Variants in MBNL2 observed in about 807,000 individuals in gnomAD.
MBNL2 encodes muscleblind-like protein 2.
MBNL2 carries 17 observed loss-of-function variants against 41.9 expected under a neutral mutation model. The ratio of observed to expected loss-of-function variants is 0.41; its 90% CI spans 0.28 to 0.61. The LOEUF is 0.61. Ranked by LOEUF, MBNL2 falls within the 20% of genes least tolerant of loss-of-function variation. MBNL2 has a pLI of 0.35. For synonymous variants in MBNL2, 195 were observed against 182.9 expected (o/e 1.07, Z -0.53); for missense variants, 336 against 505.6 (o/e 0.66, Z 3.22).
intron 1 of MBNL2, among the ~76,000 whole-genome samples, chr13:97,246,560 G>C (rs1052436834): frequency 2.6e-5 from 4 of 152,186 alleles, no homozygotes; most frequent in African/African-American, 9.7e-5. Context: ...AATCCAGAGA[G>C]AAGTCTGCTT....
chr13:97,309,961 A>G (rs1479872783), intron 2 of MBNL2, among the ~76,000 whole-genome samples: 1 of 152,214 alleles, frequency 6.6e-6, no homozygotes, highest in Non-Finnish European at 1.5e-5. Context: ...GTAATGGAGT[A>G]TGGGGCAGGC....
At chr13:97,387,860 CA>C (rs1298548556) in intron 8 of MBNL2, among the ~76,000 whole-genome samples, 1 of 152,122 alleles carries the variant, frequency 6.6e-6, no homozygotes, top group Non-Finnish European at 1.5e-5. Flanking sequence ...AAAATTCAAA[CA>C]AAAACAAGGG....
At chr13:97,264,709 T>C (rs1378991882) in intron 1 of MBNL2, among the ~76,000 whole-genome samples, 1 of 152,220 alleles carries the variant, frequency 6.6e-6, no homozygotes, top group Admixed American at 6.5e-5. Flanking sequence ...TTAGTATTTA[T>C]AGGTAGGTGT....
chr13:97,260,586 C>T (rs770263774), intron 1 of MBNL2, among the ~76,000 whole-genome samples: 7 of 152,072 alleles, frequency 4.6e-5, no homozygotes, highest in East Asian at 1.9e-4. Flanking sequence ...ACTCTGGCGC[C>T]GTTAGGAATG....
intron 1 of MBNL2, among the ~76,000 whole-genome samples, chr13:97,262,806 C>G (rs1191144693): frequency 6.6e-6 from 1 of 152,064 alleles, no homozygotes; most frequent in African/African-American, 2.4e-5. Context: ...GCTCTGTCCC[C>G]AGACTGGAGT....
chr13:97,284,060 TAG>T (rs2053950616), intron 2 of MBNL2, among the ~76,000 whole-genome samples: 1 of 152,178 alleles, frequency 6.6e-6, no homozygotes, highest in African/African-American at 2.4e-5. Flanking sequence ...GTTTACAATT[TAG>T]AGTTAGACAG....
At chr13:97,178,208 G>A in the MBNL2 span, among the ~76,000 whole-genome samples, 1 of 152,202 alleles carries the variant, frequency 6.6e-6, no homozygotes, top group Non-Finnish European at 1.5e-5. Context: ...TTGAACAAGA[G>A]GCTAGATGGA....
chr13:97,256,228 A>G (rs963845290), intron 1 of MBNL2, among the ~76,000 whole-genome samples: 2 of 152,198 alleles, frequency 1.3e-5, no homozygotes, highest in Non-Finnish European at 2.9e-5. Flanking sequence ...TTCTTTAGAG[A>G]AACTAAGGTG....
At chr13:97,183,797 T>C in the MBNL2 span, among the ~76,000 whole-genome samples, 1 of 152,242 alleles carries the variant, frequency 6.6e-6, no homozygotes, top group African/African-American at 2.4e-5. Context: ...GGAGGAATTA[T>C]TGTTCCACTT....
the MBNL2 span, among the ~76,000 whole-genome samples, chr13:97,186,164 T>C: frequency 6.6e-6 from 1 of 152,180 alleles, no homozygotes; most frequent in Non-Finnish European, 1.5e-5. Flanking sequence ...GAGACGACGG[T>C]TTCCAGATGG....
chr13:97,256,307 T>TAA (rs568005287), intron 1 of MBNL2, among the ~76,000 whole-genome samples: 5 of 144,258 alleles, frequency 3.5e-5, no homozygotes, highest in Admixed American at 1.4e-4. Flanking sequence ...TGACTTTAAG[T>TAA]AAAAAAAAAA....
chr13:97,188,904 C>G, the MBNL2 span, among the ~76,000 whole-genome samples: 1 of 151,892 alleles, frequency 6.6e-6, no homozygotes, highest in South Asian at 2.1e-4. Context: ...TCCATGCCCT[C>G]TGAAACCGCT....
chr13:97,192,581 C>T, the MBNL2 span, among the ~76,000 whole-genome samples: 3 of 152,338 alleles, frequency 2.0e-5, no homozygotes, highest in Admixed American at 6.5e-5. Flanking sequence ...CTCGTGGGTG[C>T]CCAGCTGAGC....
the MBNL2 span, among the ~76,000 whole-genome samples, chr13:97,159,535 C>T: frequency 0.1 from 15,423 of 151,802 alleles, 875 homozygotes; most frequent in South Asian, 0.16. Context: ...TGGCTGGTAC[C>T]GGTTGTTACT....
Position 97,312,360 on chromosome 13 carries a change from C to T in MBNL2, c.175-21916C>T, listed in dbSNP as rs533638816. ...TACTTGCAGCATTTCTTCCATTTCA[C>T]CTTCCTTTTTGAGTACTTTTCCTTA... On this transcript the variant is annotated intron_variant, in intron 2 of 8. Transcript: ENST00000679496. 1.2e-4 allele frequency among the ~76,000 whole-genome samples: 19 copies of T among 152,324 alleles called. No homozygotes were observed. The East Asian group carries it at 3.1e-3, about 25-fold the overall frequency.
At chr13:97,250,005 C>G (rs977347925) in intron 1 of MBNL2, among the ~76,000 whole-genome samples, 1 of 152,118 alleles carries the variant, frequency 6.6e-6, no homozygotes, top group African/African-American at 2.4e-5. Context: ...CTGGCTTAGC[C>G]CAGGACACGG....
the MBNL2 span, among the ~76,000 whole-genome samples, chr13:97,207,926 G>A: frequency 2.0e-5 from 3 of 152,216 alleles, no homozygotes; most frequent in Non-Finnish European, 4.4e-5. Context: ...ATGCAAGTTT[G>A]AAATCCAGCA....
chr13:97,357,866 G>T, intron 7 of MBNL2: 1 of 566,274 alleles, frequency 1.8e-6, no homozygotes, highest in Non-Finnish European at 3.2e-6. Context: ...TTTAACCCAT[G>T]AGAAACAGCA....
intron 1 of MBNL2, among the ~76,000 whole-genome samples, chr13:97,228,368 GA>G (rs947555210): frequency 2.0e-5 from 3 of 151,250 alleles, no homozygotes; most frequent in Non-Finnish European, 3.0e-5. Flanking sequence ...TTCATTTGCA[GA>G]AAAAAAAGCT....
Sources: allele counts gnomAD v4.1 joint callset (sites outside exome capture counted in the v4.1 genomes callset), GRCh38; gene constraint gnomAD v4.1.1; transcripts MANE v1.5; gene names NCBI Gene and HGNC (gene_info 2026-07-23, HGNC 2026-07-21).